PTCHD4: variants seen among roughly 807,000 people sequenced by gnomAD.
The protein encoded by PTCHD4 is patched domain-containing protein 4.
In PTCHD4, 33 loss-of-function variants were observed where a neutral mutation model predicts 58.1. The observed-to-expected ratio is 0.57, with a 90% CI of 0.43 to 0.76. PTCHD4 has a LOEUF of 0.76. Among genes scored for constraint, PTCHD4 ranks in the 30% least tolerant of loss-of-function variants. The pLI, the probability that PTCHD4 is intolerant of heterozygous loss-of-function variation, is 0.00. For missense variants in PTCHD4, 1,058 were observed against 1,027.1 expected, an observed-to-expected ratio of 1.03 and a Z score of -0.41; for synonymous variants, 478 against 409.6, an observed-to-expected ratio of 1.17 and a Z score of -2.02.
intron 4 of PTCHD4, among the ~76,000 whole-genome samples, chr6:47,979,855 ACCACTGCTCATT>A (rs1419516517): frequency 1.3e-5 from 2 of 152,050 alleles, no homozygotes; most frequent in Non-Finnish European, 2.9e-5. Context: ...CATAAAATTG[ACCACTGCTCATT>A]CATATAGTTC....
At position 47,879,157 on chromosome 6, in the gene PTCHD4, C is replaced by T. The variant is rs1054311464; in HGVS notation, c.1678G>A (p.Val560Ile). The T allele has an allele frequency of 5.0e-6, 8 of 1,611,976 alleles. No homozygotes were observed. The highest frequency in any genetic ancestry group is 6.8e-6 in the Non-Finnish European group (8 of 1,179,688). The change falls in exon 5 of 5, where the codon GTC becomes ATC. Residue 560 changes from valine to isoleucine, a missense_variant. Val to Ile is a conservative substitution (Grantham distance 29). Transcript: ENST00000339488. ...QYYQFLKVSN[V>I]SANNKSDFIS... The stretch of plus-strand genomic sequence containing the variant: ...AAGTCACTTTTGTTATTGGCACTGA[C>T]GTTGCTGACTTTCAGGAACTGGTAG...
At chr6:47,914,678 C>T (rs976074523) in intron 4 of PTCHD4, among the ~76,000 whole-genome samples, 1 of 111,778 alleles carries the variant, frequency 8.9e-6, no homozygotes, top group Non-Finnish European at 1.9e-5. Context: ...ATAATAGAAC[C>T]TATCTATCTA....
At chr6:48,081,061 T>C (rs773629843) in intron 1 of PTCHD4, among the ~76,000 whole-genome samples, 17 of 152,146 alleles carry the variant, frequency 1.1e-4, no homozygotes, top group African/African-American at 2.7e-4. Context: ...TAAAGAGGCA[T>C]GGAAACCACG....
At chr6:47,886,502 T>C (rs1173056750) in intron 4 of PTCHD4, among the ~76,000 whole-genome samples, 1 of 152,180 alleles carries the variant, frequency 6.6e-6, no homozygotes, top group Admixed American at 6.5e-5. Context: ...AATACTCCTT[T>C]TTATGACCTG....
chr6:48,020,803 A>G (rs1763040487), intron 3 of PTCHD4, among the ~76,000 whole-genome samples: 1 of 152,138 alleles, frequency 6.6e-6, no homozygotes, highest in Admixed American at 6.5e-5. Context: ...ACTACTATGT[A>G]ACAATAAATG....
intron 1 of PTCHD4, among the ~76,000 whole-genome samples, chr6:48,082,342 TG>T (rs1391287236): frequency 6.6e-6 from 1 of 152,216 alleles, no homozygotes; most frequent in South Asian, 2.1e-4. Context: ...CTGGCCTATT[TG>T]GTCAAAAGAA....
chr6:48,015,726 T>C (rs890014915), intron 3 of PTCHD4, among the ~76,000 whole-genome samples: 1 of 152,046 alleles, frequency 6.6e-6, no homozygotes, highest in African/African-American at 2.4e-5. Context: ...GATCTTATTT[T>C]ATCATTTAAT....
chr6:48,066,245 A>G (rs756322962), intron 3 of PTCHD4, among the ~76,000 whole-genome samples: 1 of 152,158 alleles, frequency 6.6e-6, no homozygotes, highest in Non-Finnish European at 1.5e-5. Context: ...GAGCACAACA[A>G]ATGATTATTA....
intron 3 of PTCHD4, among the ~76,000 whole-genome samples, chr6:48,033,774 A>G (rs1763532981): frequency 6.6e-6 from 1 of 151,988 alleles, no homozygotes; most frequent in African/African-American, 2.4e-5. Context: ...GTGTTTTTAC[A>G]TAGTTTCTGC....
intron 1 of PTCHD4, among the ~76,000 whole-genome samples, chr6:48,107,487 C>A (rs1562052525): frequency 6.6e-6 from 1 of 152,014 alleles, no homozygotes; most frequent in Non-Finnish European, 1.5e-5. Flanking sequence ...GACCTAAAAC[C>A]ATAAAAACCC....
chr6:48,085,926 T>C (rs1009804507), intron 1 of PTCHD4, among the ~76,000 whole-genome samples: 1 of 152,154 alleles, frequency 6.6e-6, no homozygotes, highest in African/African-American at 2.4e-5. Flanking sequence ...CTTTTTTTCA[T>C]CTAATTTGAC....
At position 48,022,500 on chromosome 6, in the gene PTCHD4, C is replaced by T. The variant is rs572951921; in HGVS notation, c.418-13386G>A. Among the ~76,000 whole-genome samples the T allele has an allele frequency of 1.1e-3, 170 of 152,100 alleles. 1 individual carries two copies. The Middle Eastern group carries it at 0.017, about 15-fold the overall frequency. On this transcript the variant is annotated intron_variant, in intron 3 of 4. Coordinates refer to ENST00000339488, the MANE Select transcript of PTCHD4 (RefSeq NM_001384253.1). The stretch of plus-strand genomic sequence containing the variant: ...TTACTATAACCAAGATATTCAGCTT[C>T]AAAGATATTAAAATAATTGAAAGTC...
At chr6:47,892,456 T>C (rs1037671349) in intron 4 of PTCHD4, among the ~76,000 whole-genome samples, 1 of 152,230 alleles carries the variant, frequency 6.6e-6, no homozygotes, top group Non-Finnish European at 1.5e-5. Context: ...CTTTAAAGTT[T>C]AATAACTTCT....
intron 1 of PTCHD4, among the ~76,000 whole-genome samples, chr6:48,107,822 T>A (rs1765767964): frequency 1.3e-5 from 2 of 152,188 alleles, no homozygotes; most frequent in Admixed American, 6.5e-5. Context: ...AAAGAAGACA[T>A]TTATGCAGCC....
intron 4 of PTCHD4, among the ~76,000 whole-genome samples, chr6:48,006,553 T>C (rs1001307694): frequency 2.6e-5 from 4 of 152,216 alleles, no homozygotes; most frequent in African/African-American, 9.6e-5. Context: ...AATCTTATTA[T>C]TTCAAGCGAT....
chr6:47,916,960 T>G (rs907739567), intron 4 of PTCHD4, among the ~76,000 whole-genome samples: 1 of 90,750 alleles, frequency 1.1e-5, no homozygotes, highest in Non-Finnish European at 2.6e-5. Flanking sequence ...AATAAAGATC[T>G]TCATTGAATT....
At chr6:47,991,146 C>A (rs1165431981) in intron 4 of PTCHD4, among the ~76,000 whole-genome samples, 4 of 151,896 alleles carry the variant, frequency 2.6e-5, no homozygotes, top group Non-Finnish European at 4.4e-5. Flanking sequence ...AAACCATGAA[C>A]CATGAAATCA....
intron 3 of PTCHD4, among the ~76,000 whole-genome samples, chr6:48,014,185 G>A (rs531919931): frequency 4.6e-4 from 70 of 152,174 alleles, no homozygotes; most frequent in African/African-American, 1.5e-3. Context: ...GGAATTGAAA[G>A]CTCCATTAAA....
At chr6:47,997,632 G>T (rs115613918) in intron 4 of PTCHD4, among the ~76,000 whole-genome samples, 2,662 of 152,204 alleles carry the variant, frequency 0.017, 38 homozygotes, top group South Asian at 0.047. Flanking sequence ...TTTGCTAAGG[G>T]TACATAGTGA....
Sources: gnomAD v4.1 joint callset for allele counts (sites outside exome capture counted in the v4.1 genomes callset) on GRCh38, gnomAD v4.1.1 for gene constraint, MANE v1.5 for transcripts, NCBI Gene and HGNC (gene_info 2026-07-23, HGNC 2026-07-21) for gene names.